YBEY: variants seen among roughly 807,000 people sequenced by gnomAD.
YBEY encodes the protein ybeY metalloendoribonuclease, also known as endoribonuclease YbeY.
In YBEY, 15 loss-of-function variants were observed where a neutral mutation model predicts 13.5. That is an observed-to-expected ratio of 1.11 (90% CI 0.75 to 1.72). The LOEUF (loss-of-function observed/expected upper bound fraction) is 1.72. YBEY is among the 40% of genes most tolerant of loss of function. The probability of loss-of-function intolerance (pLI) is 0.00; values close to 1 mark genes in which losing one functional copy is unlikely to be tolerated. For synonymous variants in YBEY, 101 were observed against 83.1 expected, an observed-to-expected ratio of 1.21 and a Z score of -1.17; for missense variants, 244 against 208.4, an observed-to-expected ratio of 1.17 and a Z score of -1.05.
chr21:46,303,727 ATATATATATATATATATATT>A, the YBEY span, among the ~76,000 whole-genome samples: 324 of 26,604 alleles, frequency 0.012, 4 homozygotes, highest in African/African-American at 0.049. Flanking sequence ...ATATATATAT[ATATATATATATATATATATT>A]TTTTTTTTTT....
chr21:46,303,745 A>ATATATATT, the YBEY span, among the ~76,000 whole-genome samples: 1 of 23,820 alleles, frequency 4.2e-5, no homozygotes, highest in East Asian at 1.2e-3. Context: ...ATATATATAT[A>ATATATATT]TTTTTTTTTT....
chr21:46,310,500 A>T, the YBEY span, among the ~76,000 whole-genome samples: 1,006 of 151,246 alleles, frequency 6.7e-3, 17 homozygotes, highest in African/African-American at 0.023. Flanking sequence ...ATAAAAATAA[A>T]AAAAAAAAAC....
chr21:46,287,125 T>TAAAAAAAAA lies in YBEY; in HGVS notation c.210+4_210+12dup. The TAAAAAAAAA allele has an allele frequency of 7.3e-6, 11 of 1,507,518 alleles. No individual in the cohort carries two copies. The highest frequency in any genetic ancestry group is 8.9e-6 in the Non-Finnish European group (10 of 1,120,058). The allele number at this position is 1,507,518 out of a possible 1,614,324, so 93.4% of individuals were successfully genotyped here. A position where few individuals can be genotyped will look rare whatever the true frequency, so the allele number is the denominator to read the frequency against. On this transcript the variant is annotated splice_region_variant and intron_variant, in intron 2 of 4. Coordinates refer to ENST00000397701, the MANE Select transcript of YBEY (RefSeq NM_001314025.2). ...GTGCTTTCTTTTCCATTTCATGAGG[T>TAAAAAAAAA]AAAAAAAAAATGTTCCTCTTCTTGT...
chr21:46,305,922 A>T, the YBEY span, among the ~76,000 whole-genome samples: 1 of 151,074 alleles, frequency 6.6e-6, no homozygotes. Flanking sequence ...AGCCTGGCAG[A>T]CAGCGAGACT....
chr21:46,303,727 ATATATATATATATATATATTTTT>A, the YBEY span, among the ~76,000 whole-genome samples: 2 of 26,612 alleles, frequency 7.5e-5, no homozygotes, highest in African/African-American at 1.6e-4. Context: ...ATATATATAT[ATATATATATATATATATATTTTT>A]TTTTTTTTTT....
chr21:46,295,327 T>C (rs772680254), intron 3 of YBEY, among the ~76,000 whole-genome samples: 1 of 151,942 alleles, frequency 6.6e-6, no homozygotes, highest in Non-Finnish European at 1.5e-5. Flanking sequence ...TTGTCCTCCA[T>C]GTCTCCAGGC....
downstream of YBEY, chr21:46,300,615 G>C (rs1036407943): frequency 1.4e-5 from 17 of 1,195,440 alleles, no homozygotes; most frequent in Middle Eastern, 2.7e-4. Context: ...TAGCTGCGCT[G>C]GGCCCTTCGG....
At chr21:46,298,081 C>T (rs1159896956), downstream of YBEY, among the ~76,000 whole-genome samples, 4 of 152,238 alleles carry the variant, frequency 2.6e-5, no homozygotes, top group Non-Finnish European at 5.9e-5. Context: ...GTCGCGAGCG[C>T]GCTGGTTCCC....
downstream of YBEY, chr21:46,302,506 C>A: frequency 6.2e-7 from 1 of 1,611,950 alleles, no homozygotes; most frequent in African/African-American, 1.3e-5. Context: ...GGGGCAGGGC[C>A]TTGAGCATCC....
chr21:46,311,941 ATCC>A, the YBEY span, among the ~76,000 whole-genome samples: 1 of 145,204 alleles, frequency 6.9e-6, no homozygotes, highest in Non-Finnish European at 1.5e-5. Flanking sequence ...CCAACCAACC[ATCC>A]ACCCACCCAT....
In YBEY at chr21:46,291,433, G is replaced by T; in HGVS notation, c.310G>T (p.Glu104Ter). 1.2e-6 allele frequency: 2 copies of T among 1,614,132 alleles called. No homozygotes were observed. Among genetic ancestry groups the T allele is most frequent in the South Asian group, 2.2e-5 (2 of 91,062 alleles). ...GGAGTATATCTTCCATCAGTGTAAA[G>T]AAAATGAAGATTACAATGACGTCCT... ...GVEYIFHQCK[E>*]NEDYNDVLTV... The change falls in exon 3 of 5, where the codon GAA (glutamate) becomes TAA (stop). Residue 104 changes from glutamate to a stop codon, truncating the protein, a stop_gained. Transcript: ENST00000397701. LOFTEE classifies it high-confidence loss of function.
intron 2 of YBEY, among the ~76,000 whole-genome samples, chr21:46,290,551 G>C (rs117874607): frequency 0.044 from 6,636 of 152,098 alleles, 206 homozygotes; most frequent in Non-Finnish European, 0.067. Flanking sequence ...CTTGTGTACG[G>C]TTGGCTGGGC....
chr21:46,291,538 T>C, intron 3 of YBEY, 76 bp downstream of exon 3: 1 of 1,583,636 alleles, frequency 6.3e-7, no homozygotes, highest in Non-Finnish European at 8.6e-7. Context: ...ATCACAACCC[T>C]GCATCCATGT....
rs376742706 is a variant in YBEY, at chr21:46,287,065, A to G, written c.152A>G (p.Asn51Ser). ...CVDNKNIQHI[N>S]RIYRDRNVPT... ...GACAACAAGAATATTCAGCACATTAATAGAATCTACAGAGATAGAAATGTC... is the reference window on the plus strand; with the variant it reads ...GACAACAAGAATATTCAGCACATTAGTAGAATCTACAGAGATAGAAATGTC... Residue 51 changes from asparagine to serine, a missense_variant, in exon 2 of 5, where the codon AAT (asparagine) becomes AGT (serine). Physicochemically the swap from Asn to Ser is conservative, Grantham distance 46 (BLOSUM62 1). Coordinates refer to ENST00000397701, the MANE Select transcript of YBEY (RefSeq NM_001314025.2). 5 of 1,613,918 alleles carry G rather than the reference A, an allele frequency of 3.1e-6. No homozygotes were observed. The African/African-American group carries it at 5.3e-5, about 17-fold the overall frequency.
At chr21:46,296,343 C>A in intron 4 of YBEY, 113 bp downstream of exon 4, 1 of 1,132,916 alleles carries the variant, frequency 8.8e-7, no homozygotes, top group African/African-American at 1.5e-5. Flanking sequence ...AACTGGACCT[C>A]AGACCTGCCC....
chr21:46,310,263 G>A, the YBEY span, among the ~76,000 whole-genome samples: 5 of 152,170 alleles, frequency 3.3e-5, no homozygotes, highest in African/African-American at 1.2e-4. Context: ...GATTGCCTGA[G>A]GTCAGGAGTT....
At chr21:46,291,837 T>C in intron 3 of YBEY, 1 of 1,070,236 alleles carries the variant, frequency 9.3e-7, no homozygotes, top group Non-Finnish European at 1.1e-6. Context: ...CTCAGTGTAA[T>C]CCACCTATGG....
downstream of YBEY, chr21:46,302,450 C>G: frequency 4.6e-6 from 7 of 1,509,140 alleles, no homozygotes; most frequent in Non-Finnish European, 6.4e-6. Flanking sequence ...GGCCCTGTTT[C>G]CTTGGCCTAG....
downstream of YBEY, chr21:46,300,684 C>T (rs2145869176): frequency 7.8e-7 from 1 of 1,282,702 alleles, no homozygotes; most frequent in East Asian, 5.6e-5. Context: ...AGCTCTGCAG[C>T]TCAGTGGCAA....
Sources: gnomAD v4.1 joint callset for allele counts (sites outside exome capture counted in the v4.1 genomes callset) on GRCh38, gnomAD v4.1.1 for gene constraint, MANE v1.5 for transcripts, NCBI Gene and HGNC (gene_info 2026-07-23, HGNC 2026-07-21) for gene names.